UNC80: variants seen among roughly 807,000 people sequenced by gnomAD.
UNC80 encodes protein unc-80 homolog.
UNC80 carries 164 observed loss-of-function variants against 384.6 expected under a neutral mutation model. The observed-to-expected ratio is 0.43, with a 90% CI of 0.38 to 0.49. UNC80 has a LOEUF of 0.49. Ranked by LOEUF, UNC80 falls within the 20% of genes least tolerant of loss-of-function variation. The pLI, the probability that UNC80 is intolerant of heterozygous loss-of-function variation, is 0.00. For synonymous variants in UNC80, 1,486 were observed against 1,527.8 expected, an observed-to-expected ratio of 0.97 and a Z score of 0.64; for missense variants, 3,330 against 4,143.0, an observed-to-expected ratio of 0.80 and a Z score of 5.39.
In UNC80 at chr2:209,830,642, T is replaced by C. The variant is rs563069851; in HGVS notation, c.2627-801T>C. Among the ~76,000 whole-genome samples, 4 of 152,304 alleles carry C rather than the reference T, an allele frequency of 2.6e-5. No homozygotes were observed. The East Asian group carries it at 7.7e-4, about 29-fold the overall frequency. ...GTCCCCATCTGGTGAATATTGGAGC[T>C]GCCCATGCCCTTTGTCACATTTCAC... On this transcript the variant is annotated intron_variant, in intron 15 of 64. Coordinates refer to ENST00000673920, the MANE Select transcript of UNC80 (RefSeq NM_001371986.1).
intron 7 of UNC80, chr2:209,808,704 T>A: frequency 1.9e-5 from 2 of 107,710 alleles, no homozygotes; most frequent in Non-Finnish European, 2.0e-5. Context: ...CTTAAGGGAG[T>A]TGGCGGAGCG....
chr2:209,872,215 A>G lies in UNC80; in HGVS notation c.3628-543A>G, dbSNP rs2124881895. 6.6e-6 allele frequency among the ~76,000 whole-genome samples: 1 copy of G among 150,934 alleles called. No individual in the cohort carries two copies. Among genetic ancestry groups the G allele is most frequent in the African/African-American group, 2.4e-5 (1 of 41,446 alleles). On this transcript the variant is annotated intron_variant, in intron 22 of 64. Coordinates refer to ENST00000673920, the MANE Select transcript of UNC80 (RefSeq NM_001371986.1). The surrounding 1 kb of genome is among the most constrained non-coding windows in gnomAD (Gnocchi z 4.1). ...ATCATGTTGGCCAGGCTGGTCTTGA[A>G]CTTCTTTTTTTAATAGCCAAAATGT...
At chr2:209,871,814 C>CT (rs551693169) in intron 22 of UNC80, among the ~76,000 whole-genome samples, 53 of 129,434 alleles carry the variant, frequency 4.1e-4, no homozygotes, top group Middle Eastern at 4.3e-3. Flanking sequence ...CTTCTTTTTT[C>CT]TTTTTTTTTT....
chr2:209,792,715 TA>T (rs1419200715), intron 6 of UNC80, among the ~76,000 whole-genome samples: 3 of 152,196 alleles, frequency 2.0e-5, no homozygotes. Flanking sequence ...AATATATTAT[TA>T]AAAACAATTT....
chr2:209,776,507 G>A (rs1267887932), intron 3 of UNC80, among the ~76,000 whole-genome samples: 3 of 152,208 alleles, frequency 2.0e-5, no homozygotes, highest in Non-Finnish European at 4.4e-5. Context: ...CTTGAACCTG[G>A]GAGGCGGAGG....
intron 7 of UNC80, chr2:209,808,918 G>A: frequency 3.5e-6 from 1 of 282,708 alleles, no homozygotes; most frequent in South Asian, 3.3e-5. Flanking sequence ...CTACCACCAG[G>A]CCCACCTTAA....
chr2:209,900,034 C>G (rs893558517), intron 28 of UNC80, among the ~76,000 whole-genome samples: 8 of 152,224 alleles, frequency 5.3e-5, no homozygotes, highest in African/African-American at 1.7e-4. Context: ...GCAAATGTCT[C>G]AAGGAGAAAT....
At chr2:209,901,664 C>T (rs1347274304) in intron 28 of UNC80, among the ~76,000 whole-genome samples, 1 of 152,124 alleles carries the variant, frequency 6.6e-6, no homozygotes, top group Non-Finnish European at 1.5e-5. Context: ...TGGTGGTTCA[C>T]ACCTGTAATC....
chr2:209,925,263 A>G (rs1226304384), intron 35 of UNC80, among the ~76,000 whole-genome samples: 2 of 152,128 alleles, frequency 1.3e-5, no homozygotes, highest in African/African-American at 4.8e-5. Context: ...TCCACTATAT[A>G]TATATACATT....
chr2:209,992,299 G>C (rs1372404390), intron 62 of UNC80, 52 bp downstream of exon 62: 1 of 1,511,010 alleles, frequency 6.6e-7, no homozygotes, highest in East Asian at 2.5e-5. Flanking sequence ...TGGAAGCTCT[G>C]TGTGATTTTT....
rs1183360286 is a variant in UNC80 at position 209,976,108 on chromosome 2, C to T, written c.8588-11C>T. The T allele has an allele frequency of 6.5e-7, 1 of 1,541,364 alleles. No individual in the cohort carries two copies. Among genetic ancestry groups the T allele is most frequent in the Admixed American group, 2.1e-5 (1 of 48,140 alleles). Reference sequence around the variant, plus strand: ...TCCGCAGGCTCATTTTTCTCTTTTCCCGGTGTGAAGCGCTGAAGGTGATTC... The same window carrying T: ...TCCGCAGGCTCATTTTTCTCTTTTCTCGGTGTGAAGCGCTGAAGGTGATTC... On this transcript the variant is annotated splice_polypyrimidine_tract_variant and intron_variant, in intron 56 of 64. Transcript: ENST00000673920. This position sits in a 1 kb window ranked among gnomAD's most constrained non-coding sequence, Gnocchi z 4.3.
intron 13 of UNC80, 82 bp from the exon 14 acceptor site, chr2:209,825,825 A>G: frequency 4.0e-6 from 5 of 1,256,340 alleles, no homozygotes; most frequent in Non-Finnish European, 4.1e-6. Flanking sequence ...AACTTGATTT[A>G]ATCATACAAT....
intron 28 of UNC80, among the ~76,000 whole-genome samples, chr2:209,903,645 A>G (rs1305604376): frequency 1.6e-5 from 2 of 121,408 alleles, no homozygotes; most frequent in African/African-American, 6.3e-5. Flanking sequence ...TATATAGTAT[A>G]TATGTAATAT....
chr2:209,879,524 A>T (rs2085089409), intron 24 of UNC80, among the ~76,000 whole-genome samples: 1 of 152,222 alleles, frequency 6.6e-6, no homozygotes, highest in East Asian at 1.9e-4. Flanking sequence ...GACTAAGCTC[A>T]TTGTCTGCAG....
chr2:209,928,462 AT>A (rs1056928774), intron 36 of UNC80, among the ~76,000 whole-genome samples: 1 of 151,988 alleles, frequency 6.6e-6, no homozygotes, highest in African/African-American at 2.4e-5. Flanking sequence ...TTCTCTTTGC[AT>A]TTTTTTGTAT....
Position 209,776,028 on chromosome 2 carries a change from C to A in UNC80, c.281C>A (p.Ser94Ter). The A allele has an allele frequency of 5.0e-6, 8 of 1,614,052 alleles. No homozygotes were observed. Among genetic ancestry groups the A allele is most frequent in the Non-Finnish European group, 6.8e-6 (8 of 1,179,962 alleles). Residue 94 changes from serine (S) to a stop codon, truncating the protein, a stop_gained, in exon 3 of 65, where the codon TCA (serine) becomes TAA (stop). Transcript: ENST00000673920. LOFTEE classifies it high-confidence loss of function. ...HVLHCTATLLSNRNKLGHQDK... is the reference protein window; with the variant it reads ...HVLHCTATLL ...CTCCACTGCACTGCAACCCTGCTTT[C>A]AAACCGAAACAAGCTAGGTTGGTGC...
At chr2:209,802,948 C>A (rs966612717) in intron 7 of UNC80, among the ~76,000 whole-genome samples, 2 of 152,184 alleles carry the variant, frequency 1.3e-5, no homozygotes, top group South Asian at 2.1e-4. Context: ...TTTCTGAAGC[C>A]TGCCCACAGT....
At chr2:209,959,015 T>G in intron 49 of UNC80, 104 bp from the exon 50 acceptor site, 1 of 915,686 alleles carries the variant, frequency 1.1e-6, no homozygotes, top group Non-Finnish European at 1.7e-6. Flanking sequence ...CTTATCAAAA[T>G]GTATAGCTTC....
intron 28 of UNC80, among the ~76,000 whole-genome samples, chr2:209,899,134 T>C (rs897533530): frequency 1.3e-5 from 2 of 152,166 alleles, no homozygotes; most frequent in Non-Finnish European, 2.9e-5. Context: ...AATATATGAA[T>C]CTATTTTCTT....
Sources: gnomAD v4.1 joint callset for allele counts (sites outside exome capture counted in the v4.1 genomes callset) on GRCh38, gnomAD v4.1.1 for gene constraint, Gnocchi (gnomAD v3.1) non-coding constraint, MANE v1.5 for transcripts, NCBI Gene and HGNC (gene_info 2026-07-23, HGNC 2026-07-21) for gene names.